KCNQ5: variants seen among roughly 807,000 people sequenced by gnomAD.
KCNQ5 encodes the protein potassium voltage-gated channel subfamily KQT member 5.
In KCNQ5, 30 loss-of-function variants were observed where a neutral mutation model predicts 98.2. That is an observed-to-expected ratio of 0.31 (90% CI 0.23 to 0.41). The LOEUF (loss-of-function observed/expected upper bound fraction) is 0.41. Ranked by LOEUF, KCNQ5 falls within the 10% of genes least tolerant of loss-of-function variation. KCNQ5 has a pLI of 1.00. For synonymous variants in KCNQ5, 458 were observed against 449.4 expected (o/e 1.02, Z -0.24); for missense variants, 835 against 1,182.5 (o/e 0.71, Z 4.31).
At chr6:73,060,501 G>A (rs1772728798) in intron 3 of KCNQ5, among the ~76,000 whole-genome samples, 1 of 152,022 alleles carries the variant, frequency 6.6e-6, no homozygotes, top group Non-Finnish European at 1.5e-5. Context: ...TTGGAATCTG[G>A]AAAGATTTTC....
intron 1 of KCNQ5, among the ~76,000 whole-genome samples, chr6:73,000,678 C>T (rs564262333): frequency 1.0e-3 from 156 of 152,280 alleles, no homozygotes; most frequent in African/African-American, 3.7e-3. Flanking sequence ...CAATTTACAG[C>T]ATCCCTTCAG....
intron 1 of KCNQ5, among the ~76,000 whole-genome samples, chr6:72,675,230 G>T (rs865957388): frequency 1.3e-5 from 2 of 152,104 alleles, no homozygotes; most frequent in African/African-American, 4.8e-5. Flanking sequence ...AGTATCCAAA[G>T]CTGTCTTGAG....
intron 10 of KCNQ5, among the ~76,000 whole-genome samples, chr6:73,168,457 C>T (rs1056888196): frequency 6.6e-6 from 1 of 152,078 alleles, no homozygotes; most frequent in Admixed American, 6.5e-5. Context: ...AATCCCAGCA[C>T]TTAGGGAGGC....
intron 10 of KCNQ5, among the ~76,000 whole-genome samples, chr6:73,149,268 T>TA (rs1777046908): frequency 6.6e-6 from 1 of 152,188 alleles, no homozygotes; most frequent in Non-Finnish European, 1.5e-5. Flanking sequence ...TCACAAGTAA[T>TA]AAGAGCCAGT....
intron 1 of KCNQ5, among the ~76,000 whole-genome samples, chr6:72,762,044 T>G (rs1447193259): frequency 2.6e-5 from 4 of 152,050 alleles, no homozygotes; most frequent in Non-Finnish European, 5.9e-5. Flanking sequence ...AGAGCTGGGT[T>G]AGGGGTATAT....
intron 5 of KCNQ5, among the ~76,000 whole-genome samples, chr6:73,096,767 G>A (rs541312163): frequency 1.3e-5 from 2 of 152,288 alleles, no homozygotes; most frequent in South Asian, 2.1e-4. Context: ...GTGTGGCTGG[G>A]TGCAGTGACT....
chr6:72,922,810 C>CTTTTTCTTTTTCT (rs1554186016), intron 1 of KCNQ5, among the ~76,000 whole-genome samples: 1 of 103,832 alleles, frequency 9.6e-6, no homozygotes, highest in Non-Finnish European at 1.9e-5. Flanking sequence ...TTTTCTTTTT[C>CTTTTTCTTTTTCT]TTTTTTTTTT....
At chr6:73,035,457 G>A (rs1025455481) in intron 2 of KCNQ5, among the ~76,000 whole-genome samples, 1 of 152,128 alleles carries the variant, frequency 6.6e-6, no homozygotes, top group Admixed American at 6.5e-5. Flanking sequence ...TCAGTAAATA[G>A]CGAGCATTTT....
chr6:73,018,910 A>G (rs1770467642), intron 2 of KCNQ5, among the ~76,000 whole-genome samples: 1 of 152,164 alleles, frequency 6.6e-6, no homozygotes. Context: ...CAGTACTGCC[A>G]TGTCTACCTT....
intron 8 of KCNQ5, among the ~76,000 whole-genome samples, chr6:73,122,904 T>C (rs1775801003): frequency 6.6e-6 from 1 of 152,230 alleles, no homozygotes. Context: ...TAGAGGGATC[T>C]TTTTACATTT....
intron 1 of KCNQ5, among the ~76,000 whole-genome samples, chr6:72,734,968 CTG>C (rs891575404): frequency 6.6e-6 from 1 of 152,156 alleles, no homozygotes; most frequent in African/African-American, 2.4e-5. Context: ...AGTCAATTAA[CTG>C]TGCACAGTTA....
chr6:72,969,104 A>T (rs1345662970), intron 1 of KCNQ5, among the ~76,000 whole-genome samples: 3 of 152,226 alleles, frequency 2.0e-5, no homozygotes, highest in Non-Finnish European at 4.4e-5. Flanking sequence ...TATTTATTTT[A>T]AAAGTGGCAA....
intron 1 of KCNQ5, among the ~76,000 whole-genome samples, chr6:72,709,519 G>T (rs982767561): frequency 2.0e-5 from 3 of 152,150 alleles, no homozygotes; most frequent in Admixed American, 6.5e-5. Context: ...TAAACTGAGG[G>T]TATACCCCTG....
chr6:72,736,868 T>G (rs12192751), intron 1 of KCNQ5, among the ~76,000 whole-genome samples: 19,013 of 152,226 alleles, frequency 0.12, 1,243 homozygotes, highest in South Asian at 0.18. Flanking sequence ...ATCATTTTCT[T>G]TTTAAAAATA....
At position 72,649,603 on chromosome 6, in the gene KCNQ5, A is replaced by G. The variant is rs1011967819; in HGVS notation, c.398+27016A>G. Among the ~76,000 whole-genome samples, 5 of 152,268 alleles carry G rather than the reference A, an allele frequency of 3.3e-5. No homozygotes were observed. In the South Asian group the frequency reaches 6.2e-4, roughly 19 times the overall value. On this transcript the variant is annotated intron_variant, in intron 1 of 13. Coordinates refer to ENST00000370398, the MANE Select transcript of KCNQ5 (RefSeq NM_019842.4). The stretch of plus-strand genomic sequence containing the variant: ...CACACAAATGACCAGAATATACAGA[A>G]TCTATCTTTGCTTTATTTGTTTTGT...
At chr6:72,759,976 G>C (rs1027512171) in intron 1 of KCNQ5, among the ~76,000 whole-genome samples, 1 of 152,080 alleles carries the variant, frequency 6.6e-6, no homozygotes, top group Non-Finnish European at 1.5e-5. Flanking sequence ...GTGCAAATGA[G>C]ACAACCCTTA....
chr6:72,842,255 C>T (rs1185763846), intron 1 of KCNQ5, among the ~76,000 whole-genome samples: 3 of 152,150 alleles, frequency 2.0e-5, no homozygotes, highest in East Asian at 1.9e-4. Context: ...TAAATCATTA[C>T]GTCTCCACTG....
At chr6:72,674,558 C>G (rs1428452195) in intron 1 of KCNQ5, among the ~76,000 whole-genome samples, 3 of 152,086 alleles carry the variant, frequency 2.0e-5, no homozygotes, top group African/African-American at 7.2e-5. Flanking sequence ...ATCACTTGAG[C>G]TCAGGGCTCG....
At chr6:72,912,171 A>G (rs1277376402) in intron 1 of KCNQ5, among the ~76,000 whole-genome samples, 1 of 152,204 alleles carries the variant, frequency 6.6e-6, no homozygotes, top group East Asian at 1.9e-4. Context: ...AAGCTTGGAT[A>G]GGATCCAGTA....
Sources: gnomAD v4.1 joint callset for allele counts (sites outside exome capture counted in the v4.1 genomes callset) on GRCh38, gnomAD v4.1.1 for gene constraint, MANE v1.5 for transcripts, NCBI Gene and HGNC (gene_info 2026-07-23, HGNC 2026-07-21) for gene names.